PPP1R9A: variants seen among roughly 807,000 people sequenced by gnomAD.
PPP1R9A encodes the protein protein phosphatase 1 regulatory subunit 9A.
PPP1R9A carries 59 observed loss-of-function variants against 141.9 expected under a neutral mutation model. The observed-to-expected ratio is 0.42, with a 90% CI of 0.34 to 0.52. The LOEUF is 0.52. PPP1R9A is among the 20% of genes least tolerant of loss of function. The pLI is 0.10. For synonymous variants in PPP1R9A, 500 were observed against 569.7 expected (o/e 0.88, Z 1.74); for missense variants, 1,444 against 1,611.9 (o/e 0.90, Z 1.78).
chr7:95,023,425 G>C (rs1049526551), intron 2 of PPP1R9A, among the ~76,000 whole-genome samples: 4 of 151,954 alleles, frequency 2.6e-5, no homozygotes, highest in Non-Finnish European at 4.4e-5. Flanking sequence ...CAAAAATGCA[G>C]CTCCTGGATT....
At chr7:95,184,358 A>G (rs1459082950) in intron 5 of PPP1R9A, among the ~76,000 whole-genome samples, 1 of 152,216 alleles carries the variant, frequency 6.6e-6, no homozygotes, top group Non-Finnish European at 1.5e-5. Context: ...TGTTTCAGGT[A>G]TTAAATGTAC....
chr7:95,222,778 A>G (rs1794637612), intron 7 of PPP1R9A, among the ~76,000 whole-genome samples: 1 of 152,020 alleles, frequency 6.6e-6, no homozygotes, highest in Admixed American at 6.6e-5. Context: ...AACATTGTTC[A>G]TCTTCCTTTG....
intron 2 of PPP1R9A, among the ~76,000 whole-genome samples, chr7:95,059,299 C>T (rs962600639): frequency 1.8e-4 from 27 of 152,120 alleles, no homozygotes; most frequent in African/African-American, 5.8e-4. Context: ...TACCCTTCTC[C>T]TCATTGATTA....
intron 2 of PPP1R9A, among the ~76,000 whole-genome samples, chr7:95,100,278 T>A (rs2152394035): frequency 6.6e-6 from 1 of 152,136 alleles, no homozygotes; most frequent in South Asian, 2.1e-4. Context: ...ATAAATAATT[T>A]AAAAATTTAG....
rs549470065 is a variant in PPP1R9A, at chr7:95,022,806, G to C, written c.1396-88453G>C. On this transcript the variant is annotated intron_variant, in intron 2 of 19. Transcript: ENST00000433360. ...TTATTGATTTGTGTATGTTGAACCA[G>C]ACTTGCATCTCAGGGATGAAGCCAA... is the stretch of plus-strand genomic sequence containing the variant. Among the ~76,000 whole-genome samples the C allele has an allele frequency of 5.1e-3, 781 of 152,288 alleles. 8 individuals carry two copies. The highest frequency in any genetic ancestry group is 0.017 in the African/African-American group (723 of 41,556).
At chr7:95,045,395 C>T (rs1454202959) in intron 2 of PPP1R9A, among the ~76,000 whole-genome samples, 3 of 152,166 alleles carry the variant, frequency 2.0e-5, no homozygotes, top group African/African-American at 7.2e-5. Flanking sequence ...TTACCTTTTC[C>T]CATCTCTTAG....
At chr7:94,969,514 G>A (rs1798620881) in intron 2 of PPP1R9A, among the ~76,000 whole-genome samples, 1 of 152,058 alleles carries the variant, frequency 6.6e-6, no homozygotes, top group African/African-American at 2.4e-5. Context: ...TCCTGCCTCT[G>A]GAAGCTTTGT....
At chr7:95,017,858 A>G (rs1805326038) in intron 2 of PPP1R9A, among the ~76,000 whole-genome samples, 2 of 152,198 alleles carry the variant, frequency 1.3e-5, no homozygotes, top group Admixed American at 6.6e-5. Flanking sequence ...TGACATTTCT[A>G]CACATCTTTT....
chr7:95,038,669 T>C (rs1808792715), intron 2 of PPP1R9A, among the ~76,000 whole-genome samples: 1 of 152,088 alleles, frequency 6.6e-6, no homozygotes, highest in Non-Finnish European at 1.5e-5. Flanking sequence ...AAACAATTCA[T>C]GAAAAAACTT....
intron 7 of PPP1R9A, among the ~76,000 whole-genome samples, chr7:95,205,396 G>C (rs1185742648): frequency 1.3e-5 from 2 of 152,112 alleles, no homozygotes; most frequent in African/African-American, 4.8e-5. Context: ...AACAATGCTA[G>C]AACAATTCAA....
At chr7:95,263,533 A>G (rs1271983025) in intron 12 of PPP1R9A, among the ~76,000 whole-genome samples, 1 of 151,906 alleles carries the variant, frequency 6.6e-6, no homozygotes, top group African/African-American at 2.4e-5. Context: ...CCTGAGTTCA[A>G]GTGATTCACC....
intron 2 of PPP1R9A, among the ~76,000 whole-genome samples, chr7:95,097,597 T>C (rs2152381644): frequency 6.6e-6 from 1 of 152,332 alleles, no homozygotes; most frequent in South Asian, 2.1e-4. Flanking sequence ...TATACGTATG[T>C]GTATATTTGA....
At chr7:95,269,772 G>A (rs577329707) in intron 14 of PPP1R9A, among the ~76,000 whole-genome samples, 2 of 152,162 alleles carry the variant, frequency 1.3e-5, no homozygotes, top group South Asian at 2.1e-4. Context: ...GAGTGGGGCA[G>A]CCCAGAGTTT....
Position 95,288,643 on chromosome 7 carries a change from G to A in PPP1R9A, c.3837G>A (p.Glu1279=). 6.2e-7 allele frequency: 1 copy of A among 1,614,106 alleles called. No homozygotes were observed. The highest frequency in any genetic ancestry group is 1.1e-5 in the South Asian group (1 of 91,076). Reference sequence around the variant, plus strand: ...ACTGGTTAATGAGCCTAAATCTGGAGCAGTATGTATCTGAATTCAGTGCCC... The same window carrying A: ...ACTGGTTAATGAGCCTAAATCTGGAACAGTATGTATCTGAATTCAGTGCCC... The part of the protein sequence containing the change: ...VSHWLMSLNL[E]QYVSEFSAQN... The change falls in exon 19 of 20, where the codon GAG becomes GAA. Residue 1279 remains glutamate (E), a synonymous_variant. Transcript: ENST00000433360.
chr7:95,163,280 C>T (rs979401716), intron 5 of PPP1R9A, among the ~76,000 whole-genome samples: 1 of 152,146 alleles, frequency 6.6e-6, no homozygotes, highest in Non-Finnish European at 1.5e-5. Flanking sequence ...CAGCCTTGTA[C>T]AAATTTCAAA....
intron 17 of PPP1R9A, among the ~76,000 whole-genome samples, chr7:95,285,671 G>T (rs1805166641): frequency 6.6e-6 from 1 of 152,118 alleles, no homozygotes; most frequent in Non-Finnish European, 1.5e-5. Context: ...CTAGTGTATT[G>T]TCAGGCTGTG....
Position 95,258,249 on chromosome 7 carries a change from G to A in PPP1R9A, c.2665+6119G>A, listed in dbSNP as rs376479435. On this transcript the variant is annotated intron_variant, in intron 12 of 19. Transcript: ENST00000433360. ...TGGTACCTCATTGTGGTTTTGATTT[G>A]CATTTCTCTGATGGCCAGTGATGAT... 3.0e-3 allele frequency among the ~76,000 whole-genome samples: 460 copies of A among 152,192 alleles called. 4 individuals are homozygous for A. Among genetic ancestry groups the A allele is most frequent in the Non-Finnish European group, 4.3e-3 (291 of 68,008 alleles).
At chr7:95,213,248 A>T (rs1199879304) in intron 7 of PPP1R9A, among the ~76,000 whole-genome samples, 1 of 151,094 alleles carries the variant, frequency 6.6e-6, no homozygotes, top group African/African-American at 2.4e-5. Flanking sequence ...ATCACTCATT[A>T]TTCAAAAATT....
intron 4 of PPP1R9A, among the ~76,000 whole-genome samples, chr7:95,148,559 A>G (rs1378392685): frequency 6.6e-6 from 1 of 152,042 alleles, no homozygotes; most frequent in African/African-American, 2.4e-5. Flanking sequence ...ATATTTAACA[A>G]CCAGCTGGGC....
Sources: gnomAD v4.1 joint callset for allele counts (sites outside exome capture counted in the v4.1 genomes callset) on GRCh38, gnomAD v4.1.1 for gene constraint, MANE v1.5 for transcripts, NCBI Gene and HGNC (gene_info 2026-07-23, HGNC 2026-07-21) for gene names.